The following RBM20 variants were observed in gnomAD, a reference collection of about 807,000 sequenced individuals.
RBM20 encodes RNA-binding protein 20.
Under a neutral mutation model 110.1 loss-of-function variants are expected in RBM20, and 51 were observed. The observed-to-expected ratio is 0.46, with a 90% CI of 0.37 to 0.59. The LOEUF (loss-of-function observed/expected upper bound fraction) is 0.59, where lower values mean the gene tolerates loss of function less well. RBM20 is among the 20% of genes least tolerant of loss of function. The pLI is 0.00. For synonymous variants in RBM20, 589 were observed against 618.2 expected (o/e 0.95, Z 0.70); for missense variants, 1,512 against 1,574.9 (o/e 0.96, Z 0.68).
intron 1 of RBM20, among the ~76,000 whole-genome samples, chr10:110,701,869 G>A (rs1422764362): frequency 6.6e-6 from 1 of 152,228 alleles, no homozygotes; most frequent in African/African-American, 2.4e-5. Flanking sequence ...GAGCCTGTGG[G>A]CTTGATGCTG....
rs1269869957 is a variant in RBM20 at position 110,781,785 on chromosome 10, G to A, written c.1176G>A (p.Arg392=). ...AKEDQALLSV[R]PLQAHELNDF... is the part of the protein sequence containing the mutation. ...AGGACCAGGCGTTGCTATCTGTGCG[G>A]CCCCTGCAGGCTCATGAGCTGAACG... The change falls in exon 2 of 14, where the codon CGG becomes CGA. Residue 392 remains arginine, a synonymous_variant. Transcript: ENST00000369519. The A allele has an allele frequency of 1.9e-6, 3 of 1,551,670 alleles. No homozygotes were observed. The East Asian group carries it at 7.3e-5, about 38-fold the overall frequency.
intron 1 of RBM20, among the ~76,000 whole-genome samples, chr10:110,653,801 C>T (rs981873201): frequency 1.8e-4 from 27 of 152,214 alleles, no homozygotes; most frequent in African/African-American, 6.5e-4. Flanking sequence ...AGCAATCCTC[C>T]TGCCTCAGCC....
At chr10:110,770,216 G>A (rs1440910904) in intron 1 of RBM20, among the ~76,000 whole-genome samples, 3 of 152,076 alleles carry the variant, frequency 2.0e-5, no homozygotes, top group African/African-American at 7.2e-5. Flanking sequence ...TGTGTTTTAG[G>A]AAGTTCTCCT....
At chr10:110,745,035 T>G (rs972674439) in intron 1 of RBM20, among the ~76,000 whole-genome samples, 42 of 152,224 alleles carry the variant, frequency 2.8e-4, no homozygotes, top group African/African-American at 1.0e-3. Context: ...TCTTATGCAC[T>G]GTCACTCTCC....
intron 7 of RBM20, among the ~76,000 whole-genome samples, chr10:110,801,366 G>C (rs1243623596): frequency 6.6e-6 from 1 of 151,770 alleles, no homozygotes; most frequent in South Asian, 2.1e-4. Flanking sequence ...GGCAGAGGTT[G>C]CAGTGAGCCA....
intron 1 of RBM20, among the ~76,000 whole-genome samples, chr10:110,726,422 A>G (rs1228899684): frequency 1.3e-5 from 2 of 151,988 alleles, no homozygotes; most frequent in Non-Finnish European, 2.9e-5. Flanking sequence ...CTTGCCTGTC[A>G]CTCTCAGGGT....
chr10:110,802,112 A>G (rs1295770820), intron 7 of RBM20, among the ~76,000 whole-genome samples: 1 of 152,158 alleles, frequency 6.6e-6, no homozygotes, highest in Non-Finnish European at 1.5e-5. Flanking sequence ...CTACTGTTCC[A>G]TTTAATAGGG....
At chr10:110,795,788 T>C (rs376919454) in intron 5 of RBM20, among the ~76,000 whole-genome samples, 33 of 152,288 alleles carry the variant, frequency 2.2e-4, no homozygotes, top group Middle Eastern at 6.8e-3. Flanking sequence ...CTCCCAGAGA[T>C]TCCAGGCTGA....
At chr10:110,688,070 G>A (rs1469100385) in intron 1 of RBM20, among the ~76,000 whole-genome samples, 4 of 151,352 alleles carry the variant, frequency 2.6e-5, no homozygotes, top group Non-Finnish European at 4.4e-5. Context: ...AGGAGAGAGA[G>A]AAATAATGAG....
intron 1 of RBM20, among the ~76,000 whole-genome samples, chr10:110,689,728 C>T (rs1862558956): frequency 6.6e-6 from 1 of 152,150 alleles, no homozygotes; most frequent in African/African-American, 2.4e-5. Context: ...TTGGTGATGG[C>T]ATTTTGTACA....
In RBM20 at chr10:110,749,561, T is replaced by A. The variant is rs575563673; in HGVS notation, c.192-31240T>A. Among the ~76,000 whole-genome samples the A allele has an allele frequency of 2.6e-5, 4 of 152,238 alleles. No individual in the cohort carries two copies. In the South Asian group the frequency reaches 8.3e-4, roughly 32 times the overall value. ...TCATTGAAGACAATTCCAATAAATA[T>A]CCCAACAGGATTTATCTTGCAATTA... On this transcript the variant is annotated intron_variant, in intron 1 of 13. Transcript: ENST00000369519.
At chr10:110,737,184 A>AAAAAAAAAAAAAAAAAAAAAC (rs1843680353) in intron 1 of RBM20, among the ~76,000 whole-genome samples, 3 of 138,818 alleles carry the variant, frequency 2.2e-5, no homozygotes, top group Admixed American at 7.1e-5. Context: ...CCTCAAAAAA[A>AAAAAAAAAAAAAAAAAAAAAC]AAAAAAAAAA....
At chr10:110,832,372 T>C (rs746514400) in intron 13 of RBM20, among the ~76,000 whole-genome samples, 1 of 152,218 alleles carries the variant, frequency 6.6e-6, no homozygotes, top group Non-Finnish European at 1.5e-5. Context: ...AAGTGACTGA[T>C]CTAGCCGTTC....
intron 1 of RBM20, among the ~76,000 whole-genome samples, chr10:110,651,780 A>C (rs1861952430): frequency 6.6e-6 from 1 of 152,172 alleles, no homozygotes; most frequent in Non-Finnish European, 1.5e-5. Flanking sequence ...TAGTTGTCCC[A>C]AAGCTGGGCC....
intron 7 of RBM20, among the ~76,000 whole-genome samples, chr10:110,809,742 G>A (rs1157701956): frequency 6.6e-6 from 1 of 152,166 alleles, no homozygotes; most frequent in Non-Finnish European, 1.5e-5. Flanking sequence ...TGTTGAAGGG[G>A]GCACAGAGCA....
intron 1 of RBM20, among the ~76,000 whole-genome samples, chr10:110,757,533 T>A (rs1043265442): frequency 6.6e-6 from 1 of 152,232 alleles, no homozygotes; most frequent in African/African-American, 2.4e-5. Context: ...TACTAACTTC[T>A]TAAACTTAGG....
At position 110,704,965 on chromosome 10, in the gene RBM20, G is replaced by A. The variant is rs193261180; in HGVS notation, c.191+60320G>A. ...GAATATTATATGTTTTTGGTTAAAGGTAAGGATTATTGCAGTGATAAATCC... is the reference window on the plus strand; with the variant it reads ...GAATATTATATGTTTTTGGTTAAAGATAAGGATTATTGCAGTGATAAATCC... On this transcript the variant is annotated intron_variant, in intron 1 of 13. Coordinates refer to ENST00000369519, the MANE Select transcript of RBM20 (RefSeq NM_001134363.3). 2.6e-5 allele frequency among the ~76,000 whole-genome samples: 4 copies of A among 152,324 alleles called. No individual in the cohort carries two copies. The East Asian group carries it at 7.7e-4, about 29-fold the overall frequency.
chr10:110,671,769 T>G (rs1862263690), intron 1 of RBM20, among the ~76,000 whole-genome samples: 1 of 152,166 alleles, frequency 6.6e-6, no homozygotes, highest in Non-Finnish European at 1.5e-5. Flanking sequence ...ATCGACATGC[T>G]TATTAACCGT....
At chr10:110,828,091 G>A (rs544280367) in intron 12 of RBM20, among the ~76,000 whole-genome samples, 8 of 152,300 alleles carry the variant, frequency 5.3e-5, no homozygotes, top group Middle Eastern at 3.4e-3. Flanking sequence ...AAACAGCATC[G>A]CCTGCAAAGT....
Sources: allele counts gnomAD v4.1 joint callset (sites outside exome capture counted in the v4.1 genomes callset), GRCh38; gene constraint gnomAD v4.1.1; transcripts MANE v1.5; gene names NCBI Gene and HGNC (gene_info 2026-07-23, HGNC 2026-07-21).